The following ATE1 variants were observed in gnomAD, a reference collection of about 807,000 sequenced individuals.
ATE1 encodes the protein arginyltransferase 1.
In ATE1, 36 loss-of-function variants were observed where a neutral mutation model predicts 70.5. That is an observed-to-expected ratio of 0.51 (90% CI 0.39 to 0.67). The LOEUF is 0.67. Among genes scored for constraint, ATE1 ranks in the 30% least tolerant of loss-of-function variants. ATE1 has a pLI of 0.00. For synonymous variants in ATE1, 232 were observed against 219.3 expected (o/e 1.06, Z -0.51); for missense variants, 593 against 629.5 (o/e 0.94, Z 0.62).
chr10:121,822,883 T>C (rs1947854847), intron 10 of ATE1, among the ~76,000 whole-genome samples: 1 of 152,204 alleles, frequency 6.6e-6, no homozygotes, highest in Admixed American at 6.5e-5. Context: ...GTTCCTTTTG[T>C]CTGGGCATCT....
intron 3 of ATE1, among the ~76,000 whole-genome samples, chr10:121,917,743 T>G (rs903771084): frequency 5.9e-5 from 9 of 152,116 alleles, no homozygotes; most frequent in African/African-American, 2.2e-4. Context: ...GATGACTGCC[T>G]TAGGGGAACA....
At chr10:121,875,305 T>G (rs1216823248) in intron 7 of ATE1, among the ~76,000 whole-genome samples, 1 of 74,610 alleles carries the variant, frequency 1.3e-5, no homozygotes, top group South Asian at 4.2e-4. Context: ...TTGGTTTTTT[T>G]TTGTTTTTTT....
In ATE1 at chr10:121,841,094, T is replaced by G; in HGVS notation, c.1145A>C (p.Tyr382Ser). The G allele has an allele frequency of 1.3e-6, 2 of 1,562,204 alleles. No individual in the cohort carries two copies. The highest frequency in any genetic ancestry group is 1.7e-6 in the Non-Finnish European group (2 of 1,149,090). The change falls in exon 9 of 12, where the codon TAC becomes TCC. Residue 382 changes from tyrosine to serine, a missense_variant. Physicochemically the swap from Tyr to Ser is moderately radical, Grantham distance 144. Coordinates refer to ENST00000224652, the MANE Select transcript of ATE1 (RefSeq NM_001001976.3). ...AAAGCAATCTTACCGTAGTGCAGAG[T>G]AGACGCCCAAAGACAAAAACGAATA... ...PDYSFLSLGV[Y>S]SALREIAFTR... is the part of the protein sequence containing the mutation.
intron 9 of ATE1, among the ~76,000 whole-genome samples, chr10:121,840,360 CAGT>C (rs1948583914): frequency 6.6e-6 from 1 of 151,990 alleles, no homozygotes; most frequent in Non-Finnish European, 1.5e-5. Flanking sequence ...AAGCTGAATG[CAGT>C]AGTACAAGCC....
At chr10:121,786,154 A>G (rs145710840) in intron 11 of ATE1, among the ~76,000 whole-genome samples, 84 of 148,670 alleles carry the variant, frequency 5.7e-4, no homozygotes, top group African/African-American at 1.8e-3. Context: ...ACTGAGTAAC[A>G]GGGGGAATCA....
chr10:121,819,868 G>A (rs868711038), intron 10 of ATE1, among the ~76,000 whole-genome samples: 11 of 150,806 alleles, frequency 7.3e-5, no homozygotes, highest in South Asian at 4.2e-4. Flanking sequence ...AAAACAGGCC[G>A]GGCGTGGTGG....
At chr10:121,841,890 C>T (rs1250367046) in intron 8 of ATE1, among the ~76,000 whole-genome samples, 1 of 151,996 alleles carries the variant, frequency 6.6e-6, no homozygotes, top group African/African-American at 2.4e-5. Context: ...ACCACCTGTT[C>T]CCCAGAAACC....
chr10:121,778,657 A>G (rs1487005393), intron 11 of ATE1, among the ~76,000 whole-genome samples: 1 of 134,946 alleles, frequency 7.4e-6, no homozygotes, highest in Non-Finnish European at 1.5e-5. Context: ...CTTCCTCTGC[A>G]GTGGCGTGAC....
chr10:121,916,363 AATT>A (rs774758694), intron 3 of ATE1, among the ~76,000 whole-genome samples: 2 of 152,156 alleles, frequency 1.3e-5, no homozygotes, highest in Non-Finnish European at 2.9e-5. Context: ...ATTCTAGAAA[AATT>A]ATTTTCATCC....
chr10:121,895,614 C>CAAA (rs199916637), intron 7 of ATE1, among the ~76,000 whole-genome samples: 15 of 144,480 alleles, frequency 1.0e-4, no homozygotes, highest in Non-Finnish European at 2.1e-4. Flanking sequence ...AACTCCGGCT[C>CAAA]AAAAAAAAAA....
chr10:121,881,278 C>T (rs1463621302), intron 7 of ATE1, among the ~76,000 whole-genome samples: 1 of 152,120 alleles, frequency 6.6e-6, no homozygotes, highest in African/African-American at 2.4e-5. Context: ...CTCTGCTGGG[C>T]ATTGTGTATT....
intron 7 of ATE1, among the ~76,000 whole-genome samples, chr10:121,895,643 T>G (rs1250210435): frequency 6.6e-6 from 1 of 150,864 alleles, no homozygotes; most frequent in South Asian, 2.1e-4. Context: ...AATGGATGAG[T>G]GGAAAACAAA....
intron 6 of ATE1, 44 bp downstream of exon 6, chr10:121,902,347 A>T: frequency 6.5e-7 from 1 of 1,538,564 alleles, no homozygotes; most frequent in Non-Finnish European, 8.8e-7. Context: ...GCCCAAACAA[A>T]AAAAAATCAT....
chr10:121,790,081 C>G (rs769974096), intron 11 of ATE1, 88 bp downstream of exon 11: 2 of 1,562,576 alleles, frequency 1.3e-6, no homozygotes, highest in Non-Finnish European at 1.7e-6. Flanking sequence ...ACAAAGCTAC[C>G]TGGACCCTGT....
intron 10 of ATE1, among the ~76,000 whole-genome samples, chr10:121,834,091 G>C (rs973931304): frequency 6.6e-6 from 1 of 152,192 alleles, no homozygotes; most frequent in African/African-American, 2.4e-5. Context: ...TGTTTCCTCA[G>C]TGTCTTTCTG....
At chr10:121,872,205 T>G (rs1429680838) in intron 7 of ATE1, among the ~76,000 whole-genome samples, 1 of 152,190 alleles carries the variant, frequency 6.6e-6, no homozygotes, top group Non-Finnish European at 1.5e-5. Flanking sequence ...TAAATAACAA[T>G]GAAGACAAGA....
chr10:121,923,917 T>C (rs184924215), intron 2 of ATE1, among the ~76,000 whole-genome samples: 1 of 152,212 alleles, frequency 6.6e-6, no homozygotes, highest in African/African-American at 2.4e-5. Flanking sequence ...TACATACTTA[T>C]TGCCTATCTA....
At chr10:121,760,518 C>A (rs1944996252) in intron 11 of ATE1, among the ~76,000 whole-genome samples, 1 of 152,126 alleles carries the variant, frequency 6.6e-6, no homozygotes, top group Admixed American at 6.5e-5. Flanking sequence ...CAAAACAGTA[C>A]AATTAGAAAT....
rs142031824 is a variant in ATE1, at chr10:121,895,751, T to C, written c.942+4115A>G. On this transcript the variant is annotated intron_variant, in intron 7 of 11. Coordinates refer to ENST00000224652, the MANE Select transcript of ATE1 (RefSeq NM_001001976.3). ...CCAGCCTGGCCAATGTGGCAAAATC[T>C]CATTGCTACTAAAATACAAAAATTA... Among the ~76,000 whole-genome samples, 1,076 of 152,210 alleles carry C rather than the reference T, an allele frequency of 7.1e-3. 25 individuals are homozygous for C. Among genetic ancestry groups the C allele is most frequent in the African/African-American group, 0.025 (1,018 of 41,516 alleles).
Sources: gnomAD v4.1 joint callset for allele counts (sites outside exome capture counted in the v4.1 genomes callset) on GRCh38, gnomAD v4.1.1 for gene constraint, MANE v1.5 for transcripts, NCBI Gene and HGNC (gene_info 2026-07-23, HGNC 2026-07-21) for gene names.